TTN: variants seen among roughly 807,000 people sequenced by gnomAD.
TTN encodes connectin.
TTN carries 1,525 observed loss-of-function variants against 3,223.0 expected under a neutral mutation model. That is an observed-to-expected ratio of 0.47 (90% confidence interval 0.45 to 0.49). The LOEUF (loss-of-function observed/expected upper bound fraction) is 0.49. Among genes scored for constraint, TTN ranks in the 20% least tolerant of loss-of-function variants. TTN has a pLI of 0.00. For synonymous variants in TTN, 14,094 were observed against 15,161.0 expected (o/e 0.93, Z 5.17); for missense variants, 40,786 against 43,424.0 (o/e 0.94, Z 5.40).
chr2:178,726,979 T>C, intron 69 of TTN, 111 bp downstream of exon 69: 1 of 1,150,248 alleles, frequency 8.7e-7, no homozygotes, highest in Non-Finnish European at 1.1e-6. Flanking sequence ...CAGAAAAATA[T>C]TCTATGATCT....
In TTN at chr2:178,571,750, A is replaced by G. The variant is rs561651614; in HGVS notation, c.74382T>C (p.Ala24794=). 1 of 1,613,304 alleles carries G rather than the reference A, an allele frequency of 6.2e-7. No homozygotes were observed. Among genetic ancestry groups the G allele is most frequent in the Admixed American group, 1.7e-5 (1 of 59,980 alleles). The change falls in exon 326 of 363, where the codon GCT becomes GCC. Residue 24794 remains alanine, a synonymous_variant. Transcript: ENST00000589042. Reference sequence around the variant, plus strand: ...CATTAAGGGTTTCAATAGCTTCACCAGCTGAGTTAGTCAGTTTAACCACAT... The same window carrying G: ...CATTAAGGGTTTCAATAGCTTCACCGGCTGAGTTAGTCAGTTTAACCACAT... ...GHYVVKLTNS[A]GEAIETLNVI...
At position 178,571,401 on chromosome 2, in the gene TTN, G is replaced by A; in HGVS notation, c.74731C>T (p.Pro24911Ser). The change falls in exon 326 of 363, where the codon CCT (proline) becomes TCT (serine). Residue 24911 changes from proline to serine, a missense_variant. By Grantham distance (74) the Pro-to-Ser change is moderately conservative (BLOSUM62 -1). Transcript: ENST00000589042. ...AGTGTGACAACTGGAGTGCCAGGAG[G>A]ACCAGGAACTTTGAATGGATATTGG... ...VAQYPFKVPG[P>S]PGTPVVTLSS... is the part of the protein sequence containing the mutation. 1 of 1,613,416 alleles carries A rather than the reference G, an allele frequency of 6.2e-7. No individual in the cohort carries two copies. The highest frequency in any genetic ancestry group is 8.5e-7 in the Non-Finnish European group (1 of 1,179,594).
Position 178,589,158 on chromosome 2 carries a change from T to C in TTN, c.62567A>G (p.Tyr20856Cys), listed in dbSNP as rs373867080. 3.0e-5 allele frequency: 49 copies of C among 1,613,256 alleles called. No homozygotes were observed. The African/African-American group carries it at 6.1e-4, about 20-fold the overall frequency. Residue 20856 changes from tyrosine to cysteine, a missense_variant, in exon 304 of 363, where the codon TAT becomes TGT. Physicochemically the swap from Tyr to Cys is radical, Grantham distance 194. Coordinates refer to ENST00000589042, the MANE Select transcript of TTN (RefSeq NM_001267550.2). Reference sequence around the variant, plus strand: ...CTTATCTAAAACATTGACAGTGGCATAGGCCACAAAACTGCCAGCCGTGTT... The same window carrying C: ...CTTATCTAAAACATTGACAGTGGCACAGGCCACAAAACTGCCAGCCGTGTT... ...ATNTAGSFVA[Y>C]ATVNVLDKPG...
intron 165 of TTN, 145 bp from the exon 166 acceptor site, chr2:178,665,071 G>A (rs2065669180): frequency 3.0e-6 from 3 of 1,005,562 alleles, no homozygotes; most frequent in African/African-American, 3.3e-5. Flanking sequence ...TCTTTTAAGG[G>A]GTTAGTGGAT....
At position 178,548,705 on chromosome 2, in the gene TTN, G is replaced by A; in HGVS notation, c.92921C>T (p.Thr30974Ile). Residue 30974 changes from threonine (T) to isoleucine (I), a missense_variant, in exon 339 of 363, where the codon ACA becomes ATA. By Grantham distance (89) the Thr-to-Ile change is moderately conservative (BLOSUM62 -1). Coordinates refer to ENST00000589042, the MANE Select transcript of TTN (RefSeq NM_001267550.2). The surrounding 1 kb of genome is among the most constrained non-coding windows in gnomAD (Gnocchi z 4.3). ...SNLSLRADIH[T>I]TDSFSTLTVE... ...AGTGAGGGTGCTGAAGGAATCTGTT[G>A]TATGGATATCAGCCCGAAGGCTAAG... The A allele has an allele frequency of 6.2e-7, 1 of 1,613,870 alleles. No individual in the cohort carries two copies. Among genetic ancestry groups the A allele is most frequent in the African/African-American group, 1.3e-5 (1 of 75,040 alleles).
Position 178,776,706 on chromosome 2 carries a change from C to T in TTN, c.5158G>A (p.Ala1720Thr), listed in dbSNP as rs1183072143. ...GGTGTTAGCCTGCATTCAAAGTGGG[C>T]AGGCCCAAAGCGCTTAAGTCTTAAG... ...TSLRLKRFGP[A>T]HFECRLTPIG... The change falls in exon 28 of 363, where the codon GCC becomes ACC. Residue 1720 changes from alanine (A) to threonine (T), a missense_variant. Coordinates refer to ENST00000589042, the MANE Select transcript of TTN (RefSeq NM_001267550.2). 5 of 1,613,990 alleles carry T rather than the reference C, an allele frequency of 3.1e-6. No homozygotes were observed. The African/African-American group carries it at 6.7e-5, about 22-fold the overall frequency.
In TTN at chr2:178,782,392, G is replaced by A. The variant is rs1215038919; in HGVS notation, c.3200C>T (p.Thr1067Ile). ...VESRDVVMTDTSLTEEQAGPG... is the reference protein window; with the variant it reads ...VESRDVVMTDISLTEEQAGPG... ...CCCTGCTTGTTCCTCTGTGAGGCTA[G>A]TATCAGTCATAACCACATCTCTTGA... Residue 1067 changes from threonine to isoleucine, a missense_variant, in exon 20 of 363, where the codon ACT (threonine) becomes ATT (isoleucine). Transcript: ENST00000589042. The A allele has an allele frequency of 2.5e-6, 4 of 1,613,938 alleles. No homozygotes were observed. Among genetic ancestry groups the A allele is most frequent in the Non-Finnish European group, 3.4e-6 (4 of 1,179,994 alleles).
At position 178,534,781 on chromosome 2, in the gene TTN, A is replaced by G; in HGVS notation, c.101834T>C (p.Ile33945Thr). The change falls in exon 358 of 363, where the codon ATC becomes ACC. Residue 33945 changes from isoleucine to threonine, a missense_variant. Physicochemically the swap from Ile to Thr is moderately conservative, Grantham distance 89. Transcript: ENST00000589042. ...AGAGCTTCTTCTGGTTTGGTAAATG[A>G]TATTTTCTGGTCTAATGTCAAAGTG... ...IGHFDIRPEN[I>T]IYQTRRSSTI... The G allele has an allele frequency of 1.2e-6, 2 of 1,613,106 alleles. No homozygotes were observed. The highest frequency in any genetic ancestry group is 1.7e-6 in the Non-Finnish European group (2 of 1,179,802).
intron 2 of TTN, among the ~76,000 whole-genome samples, chr2:178,803,592 G>GA (rs948189728): frequency 6.6e-6 from 1 of 150,880 alleles, no homozygotes; most frequent in Non-Finnish European, 1.5e-5. Context: ...GCATATAATA[G>GA]AAAAAAAGAG....
Position 178,553,131 on chromosome 2 carries a change from A to T in TTN, c.89769T>A (p.Ser29923=). The change falls in exon 335 of 363, where the codon TCT becomes TCA. Residue 29923 remains serine, a synonymous_variant. Coordinates refer to ENST00000589042, the MANE Select transcript of TTN (RefSeq NM_001267550.2). ...TIENGVGEPK[S]STVSVKVLDT... ...CAAGCACTTTAACACTCACAGTTGA[A>T]GACTTAGGTTCACCAACTCCATTTT... The T allele has an allele frequency of 6.2e-7, 1 of 1,612,426 alleles. No individual in the cohort carries two copies. Among genetic ancestry groups the T allele is most frequent in the Admixed American group, 1.7e-5 (1 of 59,984 alleles).
intron 206 of TTN, 47 bp from the exon 207 acceptor site, chr2:178,651,583 T>C (rs756945575): frequency 6.2e-7 from 1 of 1,610,734 alleles, no homozygotes. Flanking sequence ...TTCAATGAAA[T>C]GTGAAAATCA....
intron 43 of TTN, 59 bp downstream of exon 43, chr2:178,764,117 GT>G: frequency 1.2e-6 from 2 of 1,611,896 alleles, no homozygotes; most frequent in Non-Finnish European, 1.7e-6. Context: ...CTGACAGAAT[GT>G]TTTTCCCATG....
chr2:178,667,144 A>C, intron 162 of TTN, 92 bp downstream of exon 162: 1 of 1,143,228 alleles, frequency 8.7e-7, no homozygotes, highest in Non-Finnish European at 1.2e-6. Context: ...TTAACATTAG[A>C]GGTTGTGAGA....
chr2:178,791,584 T>C (rs2093496635), intron 10 of TTN, among the ~76,000 whole-genome samples: 1 of 152,102 alleles, frequency 6.6e-6, no homozygotes, highest in Non-Finnish European at 1.5e-5. Flanking sequence ...TGAGGAAGTA[T>C]TTGCTTTCTC....
rs755487582 is a variant in TTN, at chr2:178,548,300, A to G, written c.93326T>C (p.Val31109Ala). The G allele has an allele frequency of 1.9e-6, 3 of 1,613,888 alleles. No homozygotes were observed. The highest frequency in any genetic ancestry group is 8.5e-7 in the Non-Finnish European group (1 of 1,179,812). The change falls in exon 339 of 363, where the codon GTA becomes GCA. Residue 31109 changes from valine to alanine, a missense_variant. Physicochemically the swap from Val to Ala is moderately conservative, Grantham distance 64. Coordinates refer to ENST00000589042, the MANE Select transcript of TTN (RefSeq NM_001267550.2). The surrounding 1 kb of genome is among the most constrained non-coding windows in gnomAD (Gnocchi z 4.3). The stretch of plus-strand genomic sequence containing the variant: ...AGGTGGAGCAGGCTGTTCTGTGGCT[A>G]CAATTGGTTCTGGCATTTCATAGGG... ...GEPYEMPEPIVATEQPAPPRR... is the reference protein window; with the variant it reads ...GEPYEMPEPIAATEQPAPPRR...
chr2:178,528,457 T>A (rs1433224103), intron 360 of TTN, 30 bp from the exon 361 acceptor site: 34 of 1,606,964 alleles, frequency 2.1e-5, no homozygotes, highest in Non-Finnish European at 2.7e-5. Context: ...AAAGAAATGT[T>A]GAAGTTCTTC....
rs765225081 is a variant in TTN, at chr2:178,782,523, T to C, written c.3164+16A>G. 1 of 1,613,916 alleles carries C rather than the reference T, an allele frequency of 6.2e-7. No individual in the cohort carries two copies. Among genetic ancestry groups the C allele is most frequent in the Admixed American group, 1.7e-5 (1 of 60,018 alleles). On this transcript the variant is annotated intron_variant, in intron 19 of 362. Transcript: ENST00000589042. ...AAATGGTACTAGAACAGCTACTAATTAGCAAAATATTTTACCGTTTCTCTT... is the reference window on the plus strand; with the variant it reads ...AAATGGTACTAGAACAGCTACTAATCAGCAAAATATTTTACCGTTTCTCTT...
Position 178,748,763 on chromosome 2 carries a change from T to C in TTN, c.11311+4361A>G, listed in dbSNP as rs542317335. ...TATTTTTTCCTGTTGTTCCCTTTCT[T>C]GTGCGTCAAATTCTTTATGAGTTTG... On this transcript the variant is annotated intron_variant, in intron 47 of 362. Transcript: ENST00000589042. 8 of 1,612,590 alleles carry C rather than the reference T, an allele frequency of 5.0e-6. No individual in the cohort carries two copies. In the South Asian group the frequency reaches 7.7e-5, roughly 16 times the overall value.
chr2:178,684,519 C>T (rs1173008313), intron 131 of TTN, 106 bp from the exon 132 acceptor site: 3 of 1,376,216 alleles, frequency 2.2e-6, no homozygotes, highest in South Asian at 2.6e-5. Flanking sequence ...ACAAGGCACA[C>T]ACACAAAAAC....
Sources: allele counts gnomAD v4.1 joint callset (sites outside exome capture counted in the v4.1 genomes callset), GRCh38; gene constraint gnomAD v4.1.1; non-coding constraint Gnocchi (gnomAD v3.1); transcripts MANE v1.5; gene names NCBI Gene and HGNC (gene_info 2026-07-23, HGNC 2026-07-21).